Variants in DMD observed in about 807,000 individuals in gnomAD.
The protein encoded by DMD is mutant dystrophin.
DMD carries 63 observed loss-of-function variants against 330.1 expected under a neutral mutation model. The observed-to-expected ratio is 0.19, with a 90% CI of 0.16 to 0.24. The LOEUF (loss-of-function observed/expected upper bound fraction) is 0.24. DMD is among the 10% of genes least tolerant of loss of function. The probability of loss-of-function intolerance (pLI) is 1.00; values close to 1 mark genes in which losing one functional copy is unlikely to be tolerated. For synonymous variants in DMD, 1,223 were observed against 959.8 expected (o/e 1.27, Z -5.07); for missense variants, 3,344 against 2,684.1 (o/e 1.25, Z -5.43).
At chrX:32,185,302 A>G (rs192846346) in intron 44 of DMD, among the ~76,000 whole-genome samples, 1 of 111,369 alleles carries the variant, frequency 9.0e-6, no homozygotes, top group East Asian at 2.8e-4. Context: ...ATTTAGAAAC[A>G]ACATTGCCAG....
At chrX:31,413,864 T>TA (rs878936713) in intron 60 of DMD, among the ~76,000 whole-genome samples, 841 of 60,659 alleles carry the variant, frequency 0.014, 4 homozygotes, top group Non-Finnish European at 0.023. Flanking sequence ...GTTGGCAAAG[T>TA]AAAAAAAAAA....
chrX:31,393,485 A>C (rs979066425), intron 60 of DMD, among the ~76,000 whole-genome samples: 14 of 100,261 alleles, frequency 1.4e-4, no homozygotes, highest in Non-Finnish European at 2.7e-4. Flanking sequence ...TCAAAAAAAA[A>C]AAAAAACAAA....
At chrX:32,262,033 C>A (rs1466441393) in intron 43 of DMD, among the ~76,000 whole-genome samples, 3 of 111,654 alleles carry the variant, frequency 2.7e-5, no homozygotes, top group African/African-American at 9.8e-5. Context: ...AGATTGATAG[C>A]AAATAAAACA....
chrX:32,044,405 A>ATTAT (rs780314514), intron 44 of DMD, among the ~76,000 whole-genome samples: 85 of 105,492 alleles, frequency 8.1e-4, no homozygotes, highest in African/African-American at 1.8e-3. Flanking sequence ...TTTTATCGTT[A>ATTAT]TTATTTATTT....
In DMD at chrX:32,384,241, T is replaced by G. The variant is rs1290012310; in HGVS notation, c.4674+2069A>C. The stretch of plus-strand genomic sequence containing the variant: ...TTACTCAGTCCTTCGTAATTGATGT[T>G]AAATATGAAATAATTGGCATCTATA... On this transcript the variant is annotated intron_variant, in intron 33 of 78. Transcript: ENST00000357033. 2.2e-4 allele frequency among the ~76,000 whole-genome samples: 24 copies of G among 110,392 alleles called. No individual in the cohort carries two copies. The South Asian group carries it at 2.6e-3, about 12-fold the overall frequency.
At chrX:32,651,075 C>T (rs1475651976) in intron 9 of DMD, among the ~76,000 whole-genome samples, 1 of 111,455 alleles carries the variant, frequency 9.0e-6, no homozygotes, top group Non-Finnish European at 1.9e-5. Flanking sequence ...TGATCAATCT[C>T]TTTAAATGAA....
At chrX:31,186,097 T>C (rs192475378) in intron 67 of DMD, among the ~76,000 whole-genome samples, 23 of 112,024 alleles carry the variant, frequency 2.1e-4, no homozygotes, top group African/African-American at 6.8e-4. Context: ...CTTATAACAC[T>C]GATCACCTCA....
At chrX:32,932,758 G>A (rs752272228) in intron 2 of DMD, among the ~76,000 whole-genome samples, 3 of 111,723 alleles carry the variant, frequency 2.7e-5, no homozygotes, top group South Asian at 7.5e-4. Context: ...GTTACAGGGT[G>A]TATCTGACTA....
At chrX:32,422,229 A>T (rs1403494719) in intron 29 of DMD, among the ~76,000 whole-genome samples, 1 of 111,656 alleles carries the variant, frequency 9.0e-6, no homozygotes, top group Non-Finnish European at 1.9e-5. Flanking sequence ...ATGTGCTGAT[A>T]AAGGTCTATC....
At chrX:32,298,181 TA>T (rs1165509342) in intron 42 of DMD, among the ~76,000 whole-genome samples, 6 of 110,713 alleles carry the variant, frequency 5.4e-5, no homozygotes, top group Admixed American at 9.6e-5. Flanking sequence ...CAGTAGAGTC[TA>T]CAGGGGAGAA....
intron 4 of DMD, among the ~76,000 whole-genome samples, chrX:32,838,430 C>T (rs1330521115): frequency 2.7e-5 from 3 of 110,182 alleles, no homozygotes; most frequent in African/African-American, 9.9e-5. Context: ...TGGTGTGTGA[C>T]GTTCCCCTCC....
chrX:32,768,611 G>C (rs1473983843), intron 7 of DMD, among the ~76,000 whole-genome samples: 2 of 111,744 alleles, frequency 1.8e-5, no homozygotes, highest in Non-Finnish European at 3.8e-5. Flanking sequence ...GTATACTTAA[G>C]GTTCCATTAA....
chrX:32,209,561 C>A lies in DMD; in HGVS notation c.6438+7355G>T, dbSNP rs1250118151. 8.9e-5 allele frequency among the ~76,000 whole-genome samples: 10 copies of A among 111,834 alleles called. No individual in the cohort carries two copies. In the Admixed American group the frequency reaches 9.5e-4, roughly 11 times the overall value. On this transcript the variant is annotated intron_variant, in intron 44 of 78. Coordinates refer to ENST00000357033, the MANE Select transcript of DMD (RefSeq NM_004006.3). ...TTCTATTAACTTTAATCTTACATTTCATTAAATGACAATTTCTGCTTCTCA... is the reference window on the plus strand; with the variant it reads ...TTCTATTAACTTTAATCTTACATTTAATTAAATGACAATTTCTGCTTCTCA...
intron 9 of DMD, among the ~76,000 whole-genome samples, chrX:32,672,698 G>C: frequency 9.1e-6 from 1 of 110,211 alleles, no homozygotes; most frequent in Non-Finnish European, 1.9e-5. Flanking sequence ...AGTTCTGCTT[G>C]ACTGAGAAAA....
chrX:31,510,627 C>G (rs1412737926), intron 55 of DMD, among the ~76,000 whole-genome samples: 2 of 107,982 alleles, frequency 1.9e-5, no homozygotes, highest in African/African-American at 3.4e-5. Flanking sequence ...CCTGCCTCAG[C>G]CTCCCAAGTA....
At chrX:31,241,527 C>T (rs1466305049) in intron 63 of DMD, among the ~76,000 whole-genome samples, 4 of 111,569 alleles carry the variant, frequency 3.6e-5, no homozygotes, top group South Asian at 3.8e-4. Flanking sequence ...CCTGTTGCTC[C>T]GCTCAGTTTG....
intron 1 of DMD, among the ~76,000 whole-genome samples, chrX:33,112,194 T>C (rs1014629660): frequency 2.7e-5 from 3 of 110,970 alleles, no homozygotes; most frequent in African/African-American, 9.8e-5. Flanking sequence ...CAGTATATTG[T>C]TATAATTGTT....
intron 4 of DMD, among the ~76,000 whole-genome samples, chrX:32,844,086 G>A (rs995166363): frequency 7.2e-5 from 8 of 111,594 alleles, no homozygotes; most frequent in Non-Finnish European, 1.3e-4. Flanking sequence ...AGAAAAATCC[G>A]TTTGTTGCAC....
intron 11 of DMD, 100 bp from the exon 12 acceptor site, chrX:32,614,553 G>A (rs911812928): frequency 4.2e-5 from 29 of 691,632 alleles, no homozygotes; most frequent in African/African-American, 8.7e-5. Context: ...TGGAATGTTC[G>A]CATTTGGGGG....
Sources: gnomAD v4.1 joint callset for allele counts (sites outside exome capture counted in the v4.1 genomes callset) on GRCh38, gnomAD v4.1.1 for gene constraint, MANE v1.5 for transcripts, NCBI Gene and HGNC (gene_info 2026-07-23, HGNC 2026-07-21) for gene names.